ESRP1: variants seen among roughly 807,000 people sequenced by gnomAD.
The protein encoded by ESRP1 is RNA-binding motif protein 35A.
A neutral mutation model predicts 81.7 loss-of-function variants in ESRP1; 33 were observed. The ratio of observed to expected loss-of-function variants is 0.40; its 90% CI spans 0.31 to 0.54. The LOEUF is 0.54. ESRP1 is among the 20% of genes least tolerant of loss of function. The pLI is 0.41. For synonymous variants in ESRP1, 320 were observed against 303.3 expected, an observed-to-expected ratio of 1.06 and a Z score of -0.57; for missense variants, 672 against 833.1, an observed-to-expected ratio of 0.81 and a Z score of 2.38.
intron 13 of ESRP1, among the ~76,000 whole-genome samples, chr8:94,687,614 A>C (rs750717750): frequency 1.3e-5 from 2 of 151,876 alleles, no homozygotes; most frequent in African/African-American, 2.4e-5. Context: ...AATTTTACCC[A>C]TTTTCTTGGG....
At chr8:94,675,849 G>T (rs904909250) in intron 12 of ESRP1, among the ~76,000 whole-genome samples, 2 of 152,136 alleles carry the variant, frequency 1.3e-5, no homozygotes, top group Non-Finnish European at 1.5e-5. Flanking sequence ...CCATGTGTCA[G>T]CCAGGTACAG....
At chr8:94,660,281 G>T (rs1394192025) in intron 4 of ESRP1, among the ~76,000 whole-genome samples, 2 of 152,120 alleles carry the variant, frequency 1.3e-5, no homozygotes, top group Non-Finnish European at 2.9e-5. Flanking sequence ...GTCATTAACC[G>T]TCCTAAAAAT....
intron 13 of ESRP1, among the ~76,000 whole-genome samples, chr8:94,680,137 G>A (rs895343488): frequency 1.3e-5 from 2 of 151,944 alleles, no homozygotes; most frequent in Admixed American, 6.6e-5. Context: ...CTGCCTCAGC[G>A]TCCCAAAGTG....
intron 13 of ESRP1, among the ~76,000 whole-genome samples, 181 bp from the exon 14 acceptor site, chr8:94,692,496 T>G (rs548883020): frequency 6.6e-6 from 1 of 152,360 alleles, no homozygotes; most frequent in South Asian, 2.1e-4. Flanking sequence ...AACTTTTGGC[T>G]TTCGTGGAAA....
chr8:94,678,503 A>T (rs1488855685), intron 13 of ESRP1, 132 bp downstream of exon 13: 2 of 1,028,830 alleles, frequency 1.9e-6, no homozygotes, highest in East Asian at 5.2e-5. Context: ...CTCTGGTCAT[A>T]TCTCTGACCA....
intron 14 of ESRP1, among the ~76,000 whole-genome samples, chr8:94,696,532 A>G (rs576541572): frequency 9.7e-4 from 148 of 152,318 alleles, no homozygotes; most frequent in African/African-American, 3.3e-3. Context: ...ATATGTAATC[A>G]TACTTGCAGT....
Position 94,662,503 on chromosome 8 carries a change from C to T in ESRP1, c.592C>T (p.His198Tyr), listed in dbSNP as rs1157232502. ...GACTTTTATGTTCTCATTTTTAGAT[C>T]ACAGGTTTTCAGATCCAGAGAGAGT... ...ILAMISEPYN[H>Y]RFSDPERVNY... Residue 198 changes from histidine (H) to tyrosine (Y), a missense_variant and splice_region_variant, in exon 6 of 16, where the codon CAC becomes TAC. Coordinates refer to ENST00000433389, the MANE Select transcript of ESRP1 (RefSeq NM_017697.4). The T allele has an allele frequency of 6.2e-7, 1 of 1,605,978 alleles. No individual in the cohort carries two copies. Among genetic ancestry groups the T allele is most frequent in the Non-Finnish European group, 8.5e-7 (1 of 1,175,756 alleles).
At chr8:94,705,688 G>C (rs1586277506) in intron 15 of ESRP1, 1 of 499,300 alleles carries the variant, frequency 2.0e-6, no homozygotes, top group African/African-American at 1.9e-5. Context: ...GGTAGGAGTG[G>C]TGCAGAACGC....
At position 94,688,589 on chromosome 8, in the gene ESRP1, G is replaced by T. The variant is rs1224480938; in HGVS notation, c.1821-4088G>T. 2.0e-5 allele frequency: 4 copies of T among 203,660 alleles called. No homozygotes were observed. In the Admixed American group the frequency reaches 2.1e-4, roughly 11 times the overall value. The allele number at this position is 203,660 out of a possible 1,614,324, so 12.6% of individuals were successfully genotyped here. A position where few individuals can be genotyped will look rare whatever the true frequency, so the allele number is the denominator to read the frequency against. On this transcript the variant is annotated intron_variant, in intron 13 of 15. Transcript: ENST00000433389. ...AAGCAAGATGAAAACACACATGAGG[G>T]AAAACCCTGGGATTCATGTTCTTGG...
rs143482478 is a variant in ESRP1 at position 94,706,496 on chromosome 8, C to T, written c.*607C>T. On this transcript the variant is annotated 3_prime_UTR_variant, in exon 16 of 16. Transcript: ENST00000433389. ...AAAAACAAATTAAATTTTAAAACAC[C>T]TGAAGATAAATTAGAAGAAATTGTG... 1,055 of 152,718 alleles carry T rather than the reference C, an allele frequency of 6.9e-3. 14 individuals carry two copies. The highest frequency in any genetic ancestry group is 8.5e-3 in the Non-Finnish European group (576 of 68,162). The allele number at this position is 152,718 out of a possible 1,614,324, so 9.5% of individuals were successfully genotyped here.
intron 4 of ESRP1, among the ~76,000 whole-genome samples, chr8:94,653,197 G>A (rs963242006): frequency 1.3e-5 from 2 of 152,018 alleles, no homozygotes; most frequent in Non-Finnish European, 2.9e-5. Context: ...ATTAGGGTGT[G>A]TATATTTCAT....
intron 4 of ESRP1, among the ~76,000 whole-genome samples, chr8:94,658,948 A>G (rs959387673): frequency 1.3e-5 from 2 of 152,030 alleles, no homozygotes; most frequent in Non-Finnish European, 2.9e-5. Context: ...TTGAGACAGC[A>G]TCTTGCTCTG....
At chr8:94,690,152 GTTTTTTA>G (rs142991483) in intron 13 of ESRP1, among the ~76,000 whole-genome samples, 13,238 of 149,504 alleles carry the variant, frequency 0.089, 736 homozygotes, top group Non-Finnish European at 0.13. Context: ...TTTGTTTTTT[GTTTTTTA>G]GAGACAGGAT....
intron 15 of ESRP1, among the ~76,000 whole-genome samples, chr8:94,698,996 G>A (rs1374874085): frequency 6.6e-6 from 1 of 152,106 alleles, no homozygotes; most frequent in African/African-American, 2.4e-5. Context: ...TGTCTCAGTG[G>A]TGAGAACACA....
At chr8:94,659,868 T>A (rs1440752661) in intron 4 of ESRP1, among the ~76,000 whole-genome samples, 1 of 152,160 alleles carries the variant, frequency 6.6e-6, no homozygotes, top group Non-Finnish European at 1.5e-5. Context: ...TTTGGATAGA[T>A]CAAACTAGCT....
At chr8:94,643,449 T>TG (rs748171555) in intron 3 of ESRP1, 33 bp downstream of exon 3, 1 of 1,486,322 alleles carries the variant, frequency 6.7e-7, no homozygotes, top group South Asian at 1.1e-5. Flanking sequence ...AAAAAATGGT[T>TG]GGAGCTTTGG....
At chr8:94,647,085 C>A (rs891374559) in intron 4 of ESRP1, among the ~76,000 whole-genome samples, 1 of 152,290 alleles carries the variant, frequency 6.6e-6, no homozygotes, top group Non-Finnish European at 1.5e-5. Context: ...TATTCCCAAA[C>A]TTTCTCATTC....
intron 15 of ESRP1, 35 bp from the exon 16 acceptor site, chr8:94,705,890 T>G (rs2130752722): frequency 6.8e-7 from 1 of 1,480,932 alleles, no homozygotes; most frequent in South Asian, 1.3e-5. Flanking sequence ...ACTATAACAT[T>G]TCCTTTTATT....
At chr8:94,649,547 CT>C (rs1324758339) in intron 4 of ESRP1, 1 of 152,134 alleles carries the variant, frequency 6.6e-6, no homozygotes, top group Non-Finnish European at 1.5e-5. Context: ...GAGCCTCCCT[CT>C]GTTACCCAGG....
Sources: gnomAD v4.1 joint callset for allele counts (sites outside exome capture counted in the v4.1 genomes callset) on GRCh38, gnomAD v4.1.1 for gene constraint, MANE v1.5 for transcripts, NCBI Gene and HGNC (gene_info 2026-07-23, HGNC 2026-07-21) for gene names.